Variants in MAGI2 observed in about 807,000 individuals in gnomAD.
MAGI2 encodes the protein membrane-associated guanylate kinase, WW and PDZ domain-containing protein 2.
MAGI2 carries 35 observed loss-of-function variants against 133.3 expected under a neutral mutation model. The ratio of observed to expected loss-of-function variants is 0.26; its 90% CI spans 0.20 to 0.35. The LOEUF is 0.35. Ranked by LOEUF, MAGI2 falls within the 10% of genes least tolerant of loss-of-function variation. MAGI2 has a pLI of 1.00. For synonymous variants in MAGI2, 729 were observed against 710.6 expected (o/e 1.03, Z -0.41); for missense variants, 1,636 against 1,863.4 (o/e 0.88, Z 2.25).
chr7:78,325,889 T>C (rs1035041826), intron 9 of MAGI2, among the ~76,000 whole-genome samples: 1 of 152,194 alleles, frequency 6.6e-6, no homozygotes, highest in African/African-American at 2.4e-5. Context: ...TTTCTCTCTC[T>C]CTCCAGAGGT....
chr7:79,104,621 C>T (rs1055140843), intron 1 of MAGI2, among the ~76,000 whole-genome samples: 2 of 151,950 alleles, frequency 1.3e-5, no homozygotes, highest in African/African-American at 4.8e-5. Context: ...GAGCAGAGAA[C>T]GTGCCACCGC....
intron 6 of MAGI2, among the ~76,000 whole-genome samples, chr7:78,389,287 G>A (rs1043240432): frequency 6.6e-6 from 1 of 152,136 alleles, no homozygotes; most frequent in African/African-American, 2.4e-5. Context: ...GCGCTCCATG[G>A]GAGGCAAAGA....
intron 2 of MAGI2, among the ~76,000 whole-genome samples, chr7:78,749,787 G>C (rs547961112): frequency 6.6e-6 from 1 of 152,182 alleles, no homozygotes; most frequent in Non-Finnish European, 1.5e-5. Context: ...AAAGGGAAGA[G>C]AGAGAGGAAG....
At chr7:78,938,184 A>G (rs1033959259) in intron 2 of MAGI2, among the ~76,000 whole-genome samples, 1 of 152,076 alleles carries the variant, frequency 6.6e-6, no homozygotes, top group Non-Finnish European at 1.5e-5. Context: ...AACAAAATAG[A>G]CTTGTACAAA....
chr7:78,852,450 C>T (rs1034818366), intron 2 of MAGI2, among the ~76,000 whole-genome samples: 1 of 151,966 alleles, frequency 6.6e-6, no homozygotes, highest in Non-Finnish European at 1.5e-5. Flanking sequence ...TGAAACATTT[C>T]CATACCAAGA....
intron 10 of MAGI2, among the ~76,000 whole-genome samples, chr7:78,208,841 T>C (rs1185232374): frequency 6.6e-6 from 1 of 152,044 alleles, no homozygotes; most frequent in African/African-American, 2.4e-5. Flanking sequence ...AATACAGAAA[T>C]GGAATCTTTT....
chr7:78,893,765 T>C (rs1796973299), intron 2 of MAGI2, among the ~76,000 whole-genome samples: 1 of 152,112 alleles, frequency 6.6e-6, no homozygotes. Flanking sequence ...TTAGGAGATA[T>C]ACCTAATGTT....
intron 20 of MAGI2, among the ~76,000 whole-genome samples, chr7:78,083,042 TTACTTTCC>T (rs1162713045): frequency 3.3e-5 from 5 of 152,066 alleles, no homozygotes; most frequent in African/African-American, 1.2e-4. Context: ...GGTTCTCTTG[TTACTTTCC>T]TACTTTCCGA....
rs553166323 is a variant in MAGI2, at chr7:79,111,728, A to G, written c.302-104522T>C. Among the ~76,000 whole-genome samples the G allele has an allele frequency of 5.1e-4, 78 of 152,116 alleles. No homozygotes were observed. In the East Asian group the frequency reaches 0.013, roughly 26 times the overall value. On this transcript the variant is annotated intron_variant, in intron 1 of 21. Coordinates refer to ENST00000354212, the MANE Select transcript of MAGI2 (RefSeq NM_012301.4). ...GTCGCCCAGGCTGGAGTGTAGTGGC[A>G]CGATCTCGGCTCACTGCAAGCTCCG...
intron 2 of MAGI2, among the ~76,000 whole-genome samples, chr7:78,653,066 G>A (rs569296216): frequency 7.9e-5 from 12 of 152,158 alleles, no homozygotes; most frequent in East Asian, 3.9e-4. Flanking sequence ...AGAGAAATGC[G>A]AATCAAAACC....
chr7:78,070,632 A>ATG (rs1814573068), intron 21 of MAGI2, among the ~76,000 whole-genome samples: 19 of 106,200 alleles, frequency 1.8e-4, no homozygotes, highest in African/African-American at 6.2e-4. Flanking sequence ...GTGTGTGTGT[A>ATG]TATATATATA....
At chr7:78,990,747 G>A (rs1395230073) in intron 2 of MAGI2, among the ~76,000 whole-genome samples, 1 of 151,956 alleles carries the variant, frequency 6.6e-6, no homozygotes, top group East Asian at 1.9e-4. Flanking sequence ...GCATATATTT[G>A]AAGATAGACC....
chr7:78,329,493 T>C (rs1204303350), intron 9 of MAGI2, among the ~76,000 whole-genome samples: 1 of 152,224 alleles, frequency 6.6e-6, no homozygotes, highest in African/African-American at 2.4e-5. Flanking sequence ...ATATATACAA[T>C]TGAACTTTTC....
At chr7:78,540,222 C>CCTTGAGCGGGGCTGTCCT (rs1212334655) in intron 3 of MAGI2, among the ~76,000 whole-genome samples, 1 of 152,214 alleles carries the variant, frequency 6.6e-6, no homozygotes, top group Admixed American at 6.5e-5. Flanking sequence ...TTAGGCCTGT[C>CCTTGAGCGGGGCTGTCCT]TGAGCTCAGC....
intron 1 of MAGI2, among the ~76,000 whole-genome samples, chr7:79,395,338 A>G (rs4141207): frequency 0.25 from 37,454 of 152,096 alleles, 5,971 homozygotes; most frequent in African/African-American, 0.44. Context: ...TAAAATTATA[A>G]CAGAAAATGT....
At chr7:78,130,699 T>C (rs554951511) in intron 18 of MAGI2, among the ~76,000 whole-genome samples, 1 of 152,232 alleles carries the variant, frequency 6.6e-6, no homozygotes, top group South Asian at 2.1e-4. Flanking sequence ...GCTGTTAATA[T>C]AGTAATGGAA....
intron 16 of MAGI2, among the ~76,000 whole-genome samples, chr7:78,147,451 T>C (rs1823417065): frequency 6.6e-6 from 1 of 152,206 alleles, no homozygotes; most frequent in Non-Finnish European, 1.5e-5. Flanking sequence ...TAAAGTGTTA[T>C]AACTATATGT....
At chr7:78,697,984 TAGG>T (rs757269709) in intron 2 of MAGI2, among the ~76,000 whole-genome samples, 3 of 152,206 alleles carry the variant, frequency 2.0e-5, no homozygotes, top group African/African-American at 4.8e-5. Context: ...TTTAGGATGT[TAGG>T]AGGACTATTA....
intron 4 of MAGI2, among the ~76,000 whole-genome samples, chr7:78,509,805 A>C (rs1456096318): frequency 6.6e-6 from 1 of 152,218 alleles, no homozygotes; most frequent in Non-Finnish European, 1.5e-5. Context: ...CCATATTTTC[A>C]TGTGACACAG....
Sources: allele counts gnomAD v4.1 joint callset (sites outside exome capture counted in the v4.1 genomes callset), GRCh38; gene constraint gnomAD v4.1.1; transcripts MANE v1.5; gene names NCBI Gene and HGNC (gene_info 2026-07-23, HGNC 2026-07-21).